Variants in NPAS3 observed in about 807,000 individuals in gnomAD.
NPAS3 encodes the protein neuronal PAS domain-containing protein 3.
In NPAS3, 14 loss-of-function variants were observed where a neutral mutation model predicts 73.1. That is an observed-to-expected ratio of 0.19 (90% CI 0.13 to 0.30). The LOEUF (loss-of-function observed/expected upper bound fraction) is 0.30. Among genes scored for constraint, NPAS3 ranks in the 10% least tolerant of loss-of-function variants. The pLI is 1.00. For missense variants in NPAS3, 1,096 were observed against 1,250.0 expected (o/e 0.88, Z 1.86); for synonymous variants, 620 against 541.5 (o/e 1.14, Z -2.01).
chr14:33,237,423 CT>C (rs35313795), intron 3 of NPAS3, among the ~76,000 whole-genome samples: 2 of 152,062 alleles, frequency 1.3e-5, no homozygotes, highest in Non-Finnish European at 2.9e-5. Flanking sequence ...TGGAATGTTA[CT>C]TTTTTTGCCT....
At chr14:33,461,171 G>A (rs767708371) in intron 4 of NPAS3, among the ~76,000 whole-genome samples, 4 of 152,208 alleles carry the variant, frequency 2.6e-5, no homozygotes, top group Admixed American at 6.5e-5. Flanking sequence ...TTGTTTAATA[G>A]TAGAATCATG....
intron 5 of NPAS3, among the ~76,000 whole-genome samples, chr14:33,620,371 T>A (rs2058044123): frequency 6.6e-6 from 1 of 152,150 alleles, no homozygotes; most frequent in South Asian, 2.1e-4. Context: ...CAGAATTCTA[T>A]TATGAAAATG....
intron 5 of NPAS3, among the ~76,000 whole-genome samples, chr14:33,640,173 C>T (rs148660971): frequency 1.1e-4 from 16 of 151,168 alleles, no homozygotes; most frequent in East Asian, 1.9e-4. Context: ...GCCGAGATCG[C>T]GACAGCGAGA....
chr14:33,530,495 G>A (rs2053992201), intron 4 of NPAS3, among the ~76,000 whole-genome samples: 2 of 152,124 alleles, frequency 1.3e-5, no homozygotes, highest in Non-Finnish European at 2.9e-5. Flanking sequence ...GTTTCCCTGA[G>A]CCACTAAAAT....
rs116824792 is a variant in NPAS3 at position 32,995,636 on chromosome 14, A to G, written c.50+56270A>G. Among the ~76,000 whole-genome samples the G allele has an allele frequency of 3.6e-3, 553 of 152,300 alleles. 2 individuals are homozygous for G. Among genetic ancestry groups the G allele is most frequent in the African/African-American group, 0.013 (536 of 41,574 alleles). ...GTTCTTGTGATAGCAAATGAGTCTCACAGGATCTGATGGTTTTAAAAGTGG... is the reference window on the plus strand; with the variant it reads ...GTTCTTGTGATAGCAAATGAGTCTCGCAGGATCTGATGGTTTTAAAAGTGG... On this transcript the variant is annotated intron_variant, in intron 1 of 11. Transcript: ENST00000356141.
intron 2 of NPAS3, among the ~76,000 whole-genome samples, chr14:33,125,655 G>A (rs565581949): frequency 1.1e-3 from 160 of 152,162 alleles, no homozygotes; most frequent in Non-Finnish European, 9.3e-4. Flanking sequence ...TGTGAAACAT[G>A]GCTCAGCTGC....
intron 3 of NPAS3, among the ~76,000 whole-genome samples, chr14:33,329,764 T>C (rs1319815590): frequency 6.6e-6 from 1 of 152,022 alleles, no homozygotes; most frequent in Non-Finnish European, 1.5e-5. Context: ...AATAAACTTT[T>C]AGTAAGTAAG....
intron 9 of NPAS3, among the ~76,000 whole-genome samples, chr14:33,792,145 A>G (rs1179504999): frequency 3.9e-5 from 6 of 152,218 alleles, no homozygotes; most frequent in African/African-American, 1.4e-4. Context: ...TTCACCACGC[A>G]GTTTTGTAGC....
chr14:33,783,604 G>A (rs2063050456), intron 9 of NPAS3, among the ~76,000 whole-genome samples: 1 of 140,110 alleles, frequency 7.1e-6, no homozygotes, highest in South Asian at 2.6e-4. Context: ...GTGGTGTGGG[G>A]GGGCGGGTAC....
intron 2 of NPAS3, among the ~76,000 whole-genome samples, chr14:33,076,791 A>G (rs1380469154): frequency 6.6e-6 from 1 of 152,252 alleles, no homozygotes; most frequent in Non-Finnish European, 1.5e-5. Context: ...ATCCAAAGCA[A>G]TGTGTTAGTA....
intron 5 of NPAS3, among the ~76,000 whole-genome samples, chr14:33,636,181 A>G (rs915755460): frequency 1.3e-5 from 2 of 152,180 alleles, no homozygotes; most frequent in African/African-American, 2.4e-5. Flanking sequence ...CGGCCTCCCA[A>G]AGTGCTGGGA....
chr14:33,767,599 CTTT>C (rs10711937), intron 7 of NPAS3, among the ~76,000 whole-genome samples: 2 of 138,648 alleles, frequency 1.4e-5, no homozygotes, highest in Admixed American at 7.2e-5. Context: ...GGACTCTTGT[CTTT>C]TTTTTTTTTT....
rs952617617 is a variant in NPAS3 at position 33,566,446 on chromosome 14, C to G, written c.558+6236C>G. On this transcript the variant is annotated intron_variant, in intron 5 of 11. Coordinates refer to ENST00000356141, the Ensembl canonical transcript of NPAS3. ...ATATTGAACTGCTCGTTCTTCCCCCCTTTTCCTTCCACCCCACCCTTCCAA... is the reference window on the plus strand; with the variant it reads ...ATATTGAACTGCTCGTTCTTCCCCCGTTTTCCTTCCACCCCACCCTTCCAA... Among the ~76,000 whole-genome samples, 31 of 152,080 alleles carry G rather than the reference C, an allele frequency of 2.0e-4. 1 individual carries two copies. The highest frequency in any genetic ancestry group is 1.3e-4 in the Admixed American group (2 of 15,276).
chr14:33,388,421 T>C (rs2046860725), intron 4 of NPAS3, among the ~76,000 whole-genome samples: 1 of 151,676 alleles, frequency 6.6e-6, no homozygotes, highest in Admixed American at 6.6e-5. Flanking sequence ...GGATTTGGGC[T>C]TTACCCCCAG....
chr14:33,730,524 A>G (rs1182813852), intron 6 of NPAS3, among the ~76,000 whole-genome samples: 1 of 152,198 alleles, frequency 6.6e-6, no homozygotes, highest in Non-Finnish European at 1.5e-5. Context: ...AGTCACCAGG[A>G]CACAGGAAAA....
chr14:32,972,471 CACA>C (rs1441199816), intron 1 of NPAS3, among the ~76,000 whole-genome samples: 1 of 152,198 alleles, frequency 6.6e-6, no homozygotes, highest in Non-Finnish European at 1.5e-5. Flanking sequence ...CACATGCACA[CACA>C]ACTTTTGCCA....
intron 1 of NPAS3, among the ~76,000 whole-genome samples, chr14:33,025,720 C>A (rs1270975794): frequency 6.6e-6 from 1 of 152,094 alleles, no homozygotes; most frequent in African/African-American, 2.4e-5. Context: ...GAGTGTGTGG[C>A]ACTTCCCCCT....
intron 2 of NPAS3, among the ~76,000 whole-genome samples, chr14:33,113,420 C>T (rs2042961134): frequency 6.6e-6 from 1 of 152,100 alleles, no homozygotes. Flanking sequence ...ATTTTATTCT[C>T]TTTGAAGCAA....
chr14:33,570,241 A>G (rs1052149167), intron 5 of NPAS3, among the ~76,000 whole-genome samples: 3 of 152,192 alleles, frequency 2.0e-5, no homozygotes, highest in Non-Finnish European at 4.4e-5. Flanking sequence ...CGCTCCTAGT[A>G]AGCACAGATC....
Sources: gnomAD v4.1 joint callset for allele counts (sites outside exome capture counted in the v4.1 genomes callset) on GRCh38, gnomAD v4.1.1 for gene constraint, MANE v1.5 for transcripts, NCBI Gene and HGNC (gene_info 2026-07-23, HGNC 2026-07-21) for gene names.